The following NRXN3 variants were observed in gnomAD, a reference collection of about 807,000 sequenced individuals.
The protein encoded by NRXN3 is neurexin 3.
In NRXN3, 32 loss-of-function variants were observed where a neutral mutation model predicts 137.6. The ratio of observed to expected loss-of-function variants is 0.23; its 90% CI spans 0.18 to 0.31. The LOEUF (loss-of-function observed/expected upper bound fraction) is 0.31, where lower values mean the gene tolerates loss of function less well. Ranked by LOEUF, NRXN3 falls within the 10% of genes least tolerant of loss-of-function variation. NRXN3 has a pLI of 1.00. For synonymous variants in NRXN3, 798 were observed against 784.5 expected, an observed-to-expected ratio of 1.02 and a Z score of -0.29; for missense variants, 1,574 against 2,062.5, an observed-to-expected ratio of 0.76 and a Z score of 4.59.
At chr14:79,445,065 G>A (rs1272524728) in intron 15 of NRXN3, among the ~76,000 whole-genome samples, 1 of 152,102 alleles carries the variant, frequency 6.6e-6, no homozygotes, top group Non-Finnish European at 1.5e-5. Flanking sequence ...CACTCAGCTG[G>A]CAGTGGTGGC....
intron 4 of NRXN3, among the ~76,000 whole-genome samples, chr14:78,536,844 A>C (rs1259292331): frequency 6.7e-6 from 1 of 148,676 alleles, no homozygotes; most frequent in African/African-American, 2.5e-5. Flanking sequence ...CCTATGAGTG[A>C]GAACATGCAG....
chr14:78,306,816 C>T (rs1002706878), intron 4 of NRXN3, among the ~76,000 whole-genome samples: 12 of 152,074 alleles, frequency 7.9e-5, no homozygotes, highest in Admixed American at 2.6e-4. Context: ...GGAGAGCCAA[C>T]GATATGCTAG....
chr14:79,479,576 A>G (rs1256527967), intron 16 of NRXN3, among the ~76,000 whole-genome samples: 1 of 152,050 alleles, frequency 6.6e-6, no homozygotes, highest in African/African-American at 2.4e-5. Context: ...CAGGACCTGT[A>G]ATATTTATTT....
intron 15 of NRXN3, among the ~76,000 whole-genome samples, chr14:79,456,983 G>T (rs1449894613): frequency 6.6e-6 from 1 of 151,120 alleles, no homozygotes; most frequent in Non-Finnish European, 1.5e-5. Context: ...GCAGCTGTGT[G>T]TCTCTTATGT....
chr14:78,901,284 A>T (rs376388504), intron 10 of NRXN3, among the ~76,000 whole-genome samples: 34 of 151,782 alleles, frequency 2.2e-4, no homozygotes, highest in African/African-American at 7.0e-4. Context: ...GGACCATTTA[A>T]ATTGTCTTTT....
chr14:79,008,620 C>G (rs2099560865), intron 15 of NRXN3, among the ~76,000 whole-genome samples: 1 of 151,608 alleles, frequency 6.6e-6, no homozygotes. Flanking sequence ...TCAGATGACC[C>G]CAATGAATCT....
intron 4 of NRXN3, among the ~76,000 whole-genome samples, chr14:78,381,237 A>T (rs1318025747): frequency 6.6e-6 from 1 of 152,200 alleles, no homozygotes; most frequent in African/African-American, 2.4e-5. Context: ...CTAACCAAAG[A>T]GTTTCTTAGG....
At chr14:78,859,425 T>C (rs1293657877) in intron 10 of NRXN3, among the ~76,000 whole-genome samples, 1 of 152,194 alleles carries the variant, frequency 6.6e-6, no homozygotes, top group Non-Finnish European at 1.5e-5. Context: ...CCATCCAAGA[T>C]GTGATTCTCT....
At chr14:79,275,544 G>T (rs2080149334) in intron 15 of NRXN3, among the ~76,000 whole-genome samples, 1 of 152,164 alleles carries the variant, frequency 6.6e-6, no homozygotes, top group East Asian at 1.9e-4. Context: ...ACAAGCAGAT[G>T]GACAGAGCAA....
At chr14:79,280,086 T>G in intron 15 of NRXN3, 8 of 1,372,398 alleles carry the variant, frequency 5.8e-6, no homozygotes, top group Non-Finnish European at 3.7e-6. Flanking sequence ...AGAAGGGGCT[T>G]TTTGCCTTTT....
chr14:78,509,379 T>C (rs2153787592), intron 4 of NRXN3, among the ~76,000 whole-genome samples: 1 of 152,272 alleles, frequency 6.6e-6, no homozygotes, highest in Non-Finnish European at 1.5e-5. Flanking sequence ...TTGTGTTATA[T>C]TTAAGGAAAC....
At chr14:79,232,426 C>A (rs1255838591) in intron 15 of NRXN3, among the ~76,000 whole-genome samples, 1 of 152,086 alleles carries the variant, frequency 6.6e-6, no homozygotes, top group Non-Finnish European at 1.5e-5. Flanking sequence ...CAAAACAGAA[C>A]CTCATTCTTA....
intron 15 of NRXN3, among the ~76,000 whole-genome samples, chr14:79,113,138 C>T (rs1301654102): frequency 6.6e-6 from 1 of 152,110 alleles, no homozygotes; most frequent in Admixed American, 6.5e-5. Context: ...AGCAGCACTC[C>T]CCTTCCAATT....
chr14:79,307,417 A>T (rs1281155201), intron 15 of NRXN3, among the ~76,000 whole-genome samples: 3 of 152,096 alleles, frequency 2.0e-5, no homozygotes, highest in African/African-American at 7.2e-5. Context: ...TGATTTTATG[A>T]GGTGTATTGG....
At chr14:78,430,250 A>G (rs1394866251) in intron 4 of NRXN3, among the ~76,000 whole-genome samples, 1 of 152,198 alleles carries the variant, frequency 6.6e-6, no homozygotes, top group South Asian at 2.1e-4. Flanking sequence ...TTTTTGAAAA[A>G]TGAAAAAGAA....
intron 1 of NRXN3, among the ~76,000 whole-genome samples, chr14:78,181,028 G>A (rs2059760536): frequency 6.6e-6 from 1 of 152,212 alleles, no homozygotes; most frequent in South Asian, 2.1e-4. Flanking sequence ...ATCCCACCAG[G>A]CTTGCTAACT....
chr14:78,729,801 A>G (rs1225303401), intron 8 of NRXN3, among the ~76,000 whole-genome samples: 2 of 152,202 alleles, frequency 1.3e-5, no homozygotes, highest in East Asian at 3.8e-4. Flanking sequence ...CTCCTTCTCT[A>G]GACGGGGAGC....
chr14:79,270,581 G>A (rs2079154270), intron 15 of NRXN3, among the ~76,000 whole-genome samples: 1 of 152,132 alleles, frequency 6.6e-6, no homozygotes, highest in Admixed American at 6.5e-5. Context: ...TTCCCTGCAT[G>A]ATTTCAGAAT....
chr14:78,731,909 T>C (rs1375816151), intron 8 of NRXN3, among the ~76,000 whole-genome samples: 1 of 32,406 alleles, frequency 3.1e-5, no homozygotes, highest in Non-Finnish European at 8.4e-5. Flanking sequence ...TCAAAGTAGC[T>C]ATATTTGCCA....
Sources: allele counts gnomAD v4.1 joint callset (sites outside exome capture counted in the v4.1 genomes callset), GRCh38; gene constraint gnomAD v4.1.1; transcripts MANE v1.5; gene names NCBI Gene and HGNC (gene_info 2026-07-23, HGNC 2026-07-21).